Variants in TRIM44 observed in about 807,000 individuals in gnomAD.
TRIM44 encodes the protein tripartite motif containing 44.
In TRIM44, 13 loss-of-function variants were observed where a neutral mutation model predicts 37.4. That is an observed-to-expected ratio of 0.35 (90% CI 0.23 to 0.55). TRIM44 has a LOEUF of 0.55. TRIM44 is among the 20% of genes least tolerant of loss of function. TRIM44 has a pLI of 0.89. For synonymous variants in TRIM44, 175 were observed against 157.2 expected (o/e 1.11, Z -0.85); for missense variants, 426 against 437.2 (o/e 0.97, Z 0.23).
intron 4 of TRIM44, among the ~76,000 whole-genome samples, chr11:35,798,557 G>T (rs115511299): frequency 6.6e-6 from 1 of 152,094 alleles, no homozygotes; most frequent in Non-Finnish European, 1.5e-5. Flanking sequence ...TAAAACAAAT[G>T]CAAACATGCC....
At chr11:35,733,861 C>T (rs761906633) in intron 3 of TRIM44, among the ~76,000 whole-genome samples, 13 of 152,170 alleles carry the variant, frequency 8.5e-5, no homozygotes, top group African/African-American at 2.9e-4. Flanking sequence ...GTCCCTTGAA[C>T]AACACATTTT....
At chr11:35,746,090 G>C (rs1374452157) in intron 4 of TRIM44, among the ~76,000 whole-genome samples, 2 of 152,136 alleles carry the variant, frequency 1.3e-5, no homozygotes, top group African/African-American at 4.8e-5. Context: ...AAACAATTAA[G>C]TTGATGTGAA....
intron 2 of TRIM44, among the ~76,000 whole-genome samples, chr11:35,696,456 A>T (rs1375734021): frequency 6.6e-6 from 1 of 151,780 alleles, no homozygotes; most frequent in East Asian, 1.9e-4. Flanking sequence ...AAAATTTTTT[A>T]AAAGCTAAAA....
intron 4 of TRIM44, among the ~76,000 whole-genome samples, chr11:35,754,870 T>C (rs1006226592): frequency 5.9e-5 from 9 of 152,178 alleles, no homozygotes; most frequent in African/African-American, 2.2e-4. Context: ...TTCCATGGTG[T>C]ATATGTGCCA....
intron 2 of TRIM44, among the ~76,000 whole-genome samples, chr11:35,696,435 A>G (rs1445085113): frequency 1.3e-5 from 2 of 151,508 alleles, no homozygotes; most frequent in African/African-American, 4.9e-5. Context: ...AGCCGCCGCA[A>G]GCAGCCGTCA....
chr11:35,724,911 T>C (rs1852152163), intron 2 of TRIM44, among the ~76,000 whole-genome samples: 1 of 152,214 alleles, frequency 6.6e-6, no homozygotes, highest in East Asian at 1.9e-4. Context: ...GCCAATTTAC[T>C]AAGTGGCTCT....
chr11:35,665,371 G>A (rs979997507), intron 1 of TRIM44, among the ~76,000 whole-genome samples: 2 of 151,778 alleles, frequency 1.3e-5, no homozygotes, highest in Middle Eastern at 3.2e-3. Flanking sequence ...AGTTCCTGTT[G>A]CTCTGTATCT....
chr11:35,678,179 A>G (rs1309338218), intron 1 of TRIM44, among the ~76,000 whole-genome samples: 1 of 152,204 alleles, frequency 6.6e-6, no homozygotes, highest in Non-Finnish European at 1.5e-5. Context: ...CTGTTTAAGC[A>G]AGGGAGTAAA....
intron 4 of TRIM44, among the ~76,000 whole-genome samples, chr11:35,776,097 C>T (rs928995338): frequency 6.6e-6 from 1 of 152,146 alleles, no homozygotes; most frequent in African/African-American, 2.4e-5. Flanking sequence ...TCCATCTGGT[C>T]CTGGACTTTT....
chr11:35,748,778 T>A (rs1320036641), intron 4 of TRIM44, among the ~76,000 whole-genome samples: 1 of 152,214 alleles, frequency 6.6e-6, no homozygotes, highest in East Asian at 1.9e-4. Flanking sequence ...GGCTCATAGC[T>A]CAAGATTAGC....
rs188966081 is a variant in TRIM44, at chr11:35,808,274, G to A, written c.*1889G>A. On this transcript the variant is annotated 3_prime_UTR_variant, in exon 5 of 5. Coordinates refer to ENST00000299413, the MANE Select transcript of TRIM44 (RefSeq NM_017583.6). ...CCAAGAAATGGCTAGGACAATTTTG[G>A]TGCTTTACCTATCTCTGCAAAGACT... 1 of 146,738 alleles carries A rather than the reference G, an allele frequency of 6.8e-6. No homozygotes were observed. Among genetic ancestry groups the A allele is most frequent in the East Asian group, 2.1e-4 (1 of 4,832 alleles). 9.1% of individuals were successfully genotyped at this position (146,738 alleles called of 1,614,324 possible).
chr11:35,801,823 C>A (rs1853374632), intron 4 of TRIM44, among the ~76,000 whole-genome samples: 1 of 152,170 alleles, frequency 6.6e-6, no homozygotes, highest in Non-Finnish European at 1.5e-5. Flanking sequence ...ACACCATCCT[C>A]CTGGTCAGAA....
At chr11:35,763,968 G>A (rs1262206288) in intron 4 of TRIM44, among the ~76,000 whole-genome samples, 1 of 152,168 alleles carries the variant, frequency 6.6e-6, no homozygotes, top group Non-Finnish European at 1.5e-5. Context: ...TTTGCAGTAT[G>A]ATAACATCTT....
intron 4 of TRIM44, among the ~76,000 whole-genome samples, chr11:35,765,182 A>G (rs1441004957): frequency 6.6e-6 from 1 of 152,158 alleles, no homozygotes; most frequent in African/African-American, 2.4e-5. Flanking sequence ...GACCTCTGTC[A>G]TGAGACAGAG....
chr11:35,811,499 TTAGA>T lies in TRIM44; in HGVS notation c.*5115_*5118del, dbSNP rs1026096167. On this transcript the variant is annotated 3_prime_UTR_variant, in exon 5 of 5. Transcript: ENST00000299413. ...AACAAAATCTTTGTTTTGTGAAACT[TTAGA>T]AATACATATTTGCATGTAATTGATG... The T allele has an allele frequency of 2.4e-4, 37 of 152,270 alleles. No individual in the cohort carries two copies. Among genetic ancestry groups the T allele is most frequent in the African/African-American group, 8.9e-4 (37 of 41,564 alleles). The allele number at this position is 152,270 out of a possible 1,614,324, so 9.4% of individuals were successfully genotyped here.
chr11:35,726,996 CA>C (rs1351392855), intron 3 of TRIM44, among the ~76,000 whole-genome samples: 10 of 144,604 alleles, frequency 6.9e-5, no homozygotes, highest in East Asian at 2.0e-4. Context: ...CCTGTGTCTA[CA>C]AAAAAAAAAT....
intron 1 of TRIM44, among the ~76,000 whole-genome samples, chr11:35,677,233 C>T (rs1851468812): frequency 6.6e-6 from 1 of 152,136 alleles, no homozygotes; most frequent in Non-Finnish European, 1.5e-5. Flanking sequence ...TCCATTTTGC[C>T]TCTACAAATT....
intron 3 of TRIM44, among the ~76,000 whole-genome samples, chr11:35,734,185 A>G (rs1852301189): frequency 6.6e-6 from 1 of 152,124 alleles, no homozygotes; most frequent in Non-Finnish European, 1.5e-5. Flanking sequence ...TTCCTTAGTT[A>G]GCATATATAT....
intron 4 of TRIM44, among the ~76,000 whole-genome samples, chr11:35,774,332 A>T (rs1852920289): frequency 6.6e-6 from 1 of 152,036 alleles, no homozygotes; most frequent in Non-Finnish European, 1.5e-5. Flanking sequence ...TTTTTCTTGT[A>T]AATTTGTTTA....
Sources: gnomAD v4.1 joint callset for allele counts (sites outside exome capture counted in the v4.1 genomes callset) on GRCh38, gnomAD v4.1.1 for gene constraint, MANE v1.5 for transcripts, NCBI Gene and HGNC (gene_info 2026-07-23, HGNC 2026-07-21) for gene names.